Variants in NXPH2 observed in about 807,000 individuals in gnomAD.
The protein encoded by NXPH2 is neurexophilin 2.
In NXPH2, 5 loss-of-function variants were observed where a neutral mutation model predicts 19.8. The observed-to-expected ratio is 0.25, with a 90% confidence interval of 0.13 to 0.53. The LOEUF (loss-of-function observed/expected upper bound fraction) is 0.53. NXPH2 is among the 20% of genes least tolerant of loss of function. The pLI, the probability that NXPH2 is intolerant of heterozygous loss-of-function variation, is 0.96. For missense variants in NXPH2, 289 were observed against 322.8 expected, an observed-to-expected ratio of 0.90 and a Z score of 0.80; for synonymous variants, 154 against 127.4, an observed-to-expected ratio of 1.21 and a Z score of -1.41.
intron 1 of NXPH2, among the ~76,000 whole-genome samples, chr2:138,711,385 C>A (rs1262736087): frequency 6.6e-6 from 1 of 152,080 alleles, no homozygotes; most frequent in African/African-American, 2.4e-5. Flanking sequence ...AAGCAATCCA[C>A]CCACCTCAGC....
chr2:138,672,197 A>G (rs1199819547), intron 1 of NXPH2, among the ~76,000 whole-genome samples: 1 of 152,214 alleles, frequency 6.6e-6, no homozygotes, highest in Non-Finnish European at 1.5e-5. Flanking sequence ...AAACTCTGTA[A>G]CAAAAAAGCA....
intron 1 of NXPH2, among the ~76,000 whole-genome samples, chr2:138,774,191 A>G (rs1483096428): frequency 6.6e-6 from 1 of 152,202 alleles, no homozygotes; most frequent in African/African-American, 2.4e-5. Context: ...AATTGATGCA[A>G]TGACTAGATG....
intron 1 of NXPH2, among the ~76,000 whole-genome samples, chr2:138,718,367 A>G (rs548976497): frequency 1.3e-5 from 2 of 152,190 alleles, no homozygotes; most frequent in Non-Finnish European, 2.9e-5. Context: ...GTGGACACTA[A>G]AACTCAAAGA....
chr2:138,702,437 G>C (rs1680938455), intron 1 of NXPH2, among the ~76,000 whole-genome samples: 3 of 152,028 alleles, frequency 2.0e-5, no homozygotes, highest in Non-Finnish European at 1.5e-5. Context: ...TTTTCTGTTA[G>C]TGTATTCCAT....
chr2:138,727,554 G>A (rs1368209885), intron 1 of NXPH2, among the ~76,000 whole-genome samples: 1 of 151,088 alleles, frequency 6.6e-6, no homozygotes, highest in Non-Finnish European at 1.5e-5. Flanking sequence ...CTTTGGTGAG[G>A]TGTCTGTTAA....
In NXPH2 at chr2:138,695,255, T is replaced by C. The variant is rs72986889; in HGVS notation, c.52-23590A>G. ...TAGATGAAAGACTGATAAACAAAAA[T>C]GGTTTTCTAAATTTTAATATTAAGT... On this transcript the variant is annotated intron_variant, in intron 1 of 1. Coordinates refer to ENST00000272641, the MANE Select transcript of NXPH2 (RefSeq NM_007226.3). Among the ~76,000 whole-genome samples the C allele has an allele frequency of 3.5e-3, 537 of 152,306 alleles. 3 individuals carry two copies. The highest frequency in any genetic ancestry group is 8.8e-3 in the African/African-American group (365 of 41,578).
intron 1 of NXPH2, among the ~76,000 whole-genome samples, chr2:138,704,552 A>G (rs939331517): frequency 6.6e-6 from 1 of 152,236 alleles, no homozygotes; most frequent in Non-Finnish European, 1.5e-5. Flanking sequence ...AGCTTATGCC[A>G]TCTCAGACCA....
At chr2:138,742,709 C>T (rs1163178534) in intron 1 of NXPH2, among the ~76,000 whole-genome samples, 3 of 152,060 alleles carry the variant, frequency 2.0e-5, no homozygotes, top group Non-Finnish European at 4.4e-5. Flanking sequence ...GCTGTTGGGC[C>T]CAGAACAAGT....
intron 1 of NXPH2, among the ~76,000 whole-genome samples, chr2:138,709,456 C>T (rs1458560065): frequency 6.6e-6 from 1 of 151,814 alleles, no homozygotes; most frequent in Non-Finnish European, 1.5e-5. Context: ...CCCTCCCTAC[C>T]CACAGCTGCC....
At chr2:138,736,574 G>C (rs999792089) in intron 1 of NXPH2, among the ~76,000 whole-genome samples, 2 of 152,280 alleles carry the variant, frequency 1.3e-5, no homozygotes, top group Non-Finnish European at 2.9e-5. Flanking sequence ...TGTAAAGGGA[G>C]GGGCTGCCAT....
At chr2:138,753,227 AATC>A (rs1681851412) in intron 1 of NXPH2, among the ~76,000 whole-genome samples, 1 of 152,148 alleles carries the variant, frequency 6.6e-6, no homozygotes, top group African/African-American at 2.4e-5. Context: ...TTTGGGTTAT[AATC>A]TAATGTTAAT....
chr2:138,696,795 T>C lies in NXPH2; in HGVS notation c.52-25130A>G, dbSNP rs190382975. ...GTACATATGTCTAAGCAAAGACTTT[T>C]ACACAAAAATTTATAGCAGCTTTAT... is the stretch of plus-strand genomic sequence containing the variant. On this transcript the variant is annotated intron_variant, in intron 1 of 1. Transcript: ENST00000272641. Among the ~76,000 whole-genome samples, 64 of 152,322 alleles carry C rather than the reference T, an allele frequency of 4.2e-4. No individual in the cohort carries two copies. The East Asian group carries it at 0.01, about 25-fold the overall frequency.
intron 1 of NXPH2, among the ~76,000 whole-genome samples, chr2:138,690,758 C>G (rs1680734490): frequency 6.6e-6 from 1 of 152,184 alleles, no homozygotes; most frequent in South Asian, 2.1e-4. Flanking sequence ...ACGTTGGGCA[C>G]TAGGATACAA....
intron 1 of NXPH2, among the ~76,000 whole-genome samples, chr2:138,695,190 GAA>G (rs1389460822): frequency 1.3e-5 from 2 of 152,078 alleles, no homozygotes; most frequent in Non-Finnish European, 2.9e-5. Flanking sequence ...GGAAATCCAA[GAA>G]TACCAAGGGA....
intron 1 of NXPH2, among the ~76,000 whole-genome samples, chr2:138,680,923 ACTTGGTGACTATTTT>A (rs1413841421): frequency 1.3e-5 from 2 of 152,158 alleles, no homozygotes; most frequent in Non-Finnish European, 2.9e-5. Context: ...TGAAAGGCTA[ACTTGGTGACTATTTT>A]CATGACCATA....
chr2:138,772,628 T>C (rs564711590), intron 1 of NXPH2, among the ~76,000 whole-genome samples: 3 of 152,296 alleles, frequency 2.0e-5, no homozygotes, highest in African/African-American at 7.2e-5. Flanking sequence ...GAACTCCAGA[T>C]TAAAGAAATG....
At chr2:138,730,439 A>G (rs1192358281) in intron 1 of NXPH2, among the ~76,000 whole-genome samples, 1 of 152,084 alleles carries the variant, frequency 6.6e-6, no homozygotes, top group Non-Finnish European at 1.5e-5. Flanking sequence ...CAACATATGA[A>G]TTTTGGGGGC....
At chr2:138,731,823 C>T (rs1055871604) in intron 1 of NXPH2, among the ~76,000 whole-genome samples, 4 of 152,110 alleles carry the variant, frequency 2.6e-5, no homozygotes, top group African/African-American at 7.2e-5. Context: ...TCAAGTCCAG[C>T]TTCTTCACAA....
chr2:138,718,389 T>TCAAA lies in NXPH2; in HGVS notation c.52-46728_52-46725dup, dbSNP rs539939853. Among the ~76,000 whole-genome samples the TCAAA allele has an allele frequency of 2.4e-3, 365 of 152,064 alleles. 1 individual carries two copies. The highest frequency in any genetic ancestry group is 7.7e-3 in the African/African-American group (319 of 41,502). On this transcript the variant is annotated intron_variant, in intron 1 of 1. Coordinates refer to ENST00000272641, the MANE Select transcript of NXPH2 (RefSeq NM_007226.3). ...CTAAAACTCAAAGAAGCAAAGATTGTCAAACAAACAAACAAACAAACAAAA... is the reference window on the plus strand; with the variant it reads ...CTAAAACTCAAAGAAGCAAAGATTGTCAAACAAACAAACAAACAAACAAACAAAA...
Sources: gnomAD v4.1 joint callset for allele counts (sites outside exome capture counted in the v4.1 genomes callset) on GRCh38, gnomAD v4.1.1 for gene constraint, MANE v1.5 for transcripts, NCBI Gene and HGNC (gene_info 2026-07-23, HGNC 2026-07-21) for gene names.